The following SSH2 variants were observed in gnomAD, a reference collection of about 807,000 sequenced individuals.
The protein encoded by SSH2 is slingshot protein phosphatase 2, also known as protein phosphatase Slingshot homolog 2.
A neutral mutation model predicts 135.2 loss-of-function variants in SSH2; 37 were observed. The ratio of observed to expected loss-of-function variants is 0.27; its 90% CI spans 0.21 to 0.36. SSH2 has a LOEUF of 0.36. Ranked by LOEUF, SSH2 falls within the 10% of genes least tolerant of loss-of-function variation. SSH2 has a pLI of 1.00. For synonymous variants in SSH2, 628 were observed against 646.2 expected, an observed-to-expected ratio of 0.97 and a Z score of 0.43; for missense variants, 1,408 against 1,765.3, an observed-to-expected ratio of 0.80 and a Z score of 3.63.
chr17:29,803,566 G>C (rs1266863410), intron 2 of SSH2, among the ~76,000 whole-genome samples: 2 of 152,090 alleles, frequency 1.3e-5, no homozygotes, highest in Non-Finnish European at 2.9e-5. Context: ...ACACTTTATT[G>C]GTGTACCAAA....
chr17:29,813,164 C>T (rs1599033763), intron 2 of SSH2, among the ~76,000 whole-genome samples: 1 of 151,986 alleles, frequency 6.6e-6, no homozygotes. Flanking sequence ...GGGTGGATCA[C>T]TTGAGGTCAG....
intron 5 of SSH2, among the ~76,000 whole-genome samples, chr17:29,685,157 G>C (rs575091184): frequency 6.6e-6 from 1 of 152,174 alleles, no homozygotes; most frequent in Non-Finnish European, 1.5e-5. Context: ...CTGAATTCCT[G>C]CATGTTAATG....
chr17:29,882,663 A>G (rs1483747975), intron 1 of SSH2, among the ~76,000 whole-genome samples: 8 of 152,102 alleles, frequency 5.3e-5, no homozygotes, highest in Non-Finnish European at 1.2e-4. Context: ...GAGGCAGGAG[A>G]ATCGCTTGAA....
At chr17:29,761,387 G>T (rs1432624669) in intron 3 of SSH2, 2 of 1,065,806 alleles carry the variant, frequency 1.9e-6, no homozygotes, top group Non-Finnish European at 1.1e-6. Flanking sequence ...CGGGTCGCGC[G>T]GAGGCAGCCG....
At chr17:29,801,779 A>G (rs1229211059) in intron 2 of SSH2, among the ~76,000 whole-genome samples, 3 of 152,168 alleles carry the variant, frequency 2.0e-5, no homozygotes, top group East Asian at 3.9e-4. Context: ...GGAACTCAAT[A>G]AAGGGTCGAA....
At position 29,791,946 on chromosome 17, in the gene SSH2, A is replaced by G. The variant is rs1417835481; in HGVS notation, c.188+1948T>C. 2.8e-5 allele frequency among the ~76,000 whole-genome samples: 4 copies of G among 145,106 alleles called. No individual in the cohort carries two copies. In the East Asian group the frequency reaches 5.9e-4, roughly 22 times the overall value. On this transcript the variant is annotated intron_variant, in intron 3 of 15. Transcript: ENST00000540801. ...TTTTTTTTTTTTTTTTTAGTAAGACAGAGTCTCACTTTGTTGCCCAGACTG... is the reference window on the plus strand; with the variant it reads ...TTTTTTTTTTTTTTTTTAGTAAGACGGAGTCTCACTTTGTTGCCCAGACTG...
At chr17:29,892,476 A>G (rs2066368410) in intron 1 of SSH2, among the ~76,000 whole-genome samples, 1 of 152,140 alleles carries the variant, frequency 6.6e-6, no homozygotes, top group Non-Finnish European at 1.5e-5. Context: ...GGAAGGCACA[A>G]TGACAGTAGG....
intron 1 of SSH2, among the ~76,000 whole-genome samples, chr17:29,928,822 A>T (rs1680109183): frequency 1.3e-5 from 2 of 152,134 alleles, no homozygotes; most frequent in African/African-American, 4.8e-5. Flanking sequence ...ATTTTTTTAC[A>T]GTGGAAAGTG....
At chr17:29,794,473 C>T (rs1000921966) in intron 2 of SSH2, among the ~76,000 whole-genome samples, 1 of 152,100 alleles carries the variant, frequency 6.6e-6, no homozygotes, top group African/African-American at 2.4e-5. Flanking sequence ...TGTACTTATT[C>T]TTTATAAACC....
intron 3 of SSH2, among the ~76,000 whole-genome samples, chr17:29,726,319 T>C (rs2040002279): frequency 6.6e-6 from 1 of 152,112 alleles, no homozygotes; most frequent in South Asian, 2.1e-4. Context: ...AATCCTATTG[T>C]ATGGGGAAAC....
At chr17:29,701,217 C>T (rs544428956) in intron 4 of SSH2, among the ~76,000 whole-genome samples, 34 of 152,144 alleles carry the variant, frequency 2.2e-4, no homozygotes, top group African/African-American at 7.7e-4. Flanking sequence ...GTGATCCGCC[C>T]GTCTCAGCCT....
intron 1 of SSH2, among the ~76,000 whole-genome samples, chr17:29,899,664 T>C (rs935206822): frequency 2.6e-5 from 4 of 152,158 alleles, no homozygotes; most frequent in Non-Finnish European, 5.9e-5. Flanking sequence ...TCCATGCTCA[T>C]GGGTAGGAAG....
At chr17:29,925,529 A>G (rs1224525463) in intron 1 of SSH2, 3 of 398,446 alleles carry the variant, frequency 7.5e-6, no homozygotes, top group Non-Finnish European at 1.3e-5. Context: ...CAGCCTGGGC[A>G]GCAAGACCCC....
intron 1 of SSH2, among the ~76,000 whole-genome samples, chr17:29,908,763 GAAAAAAAAAA>G (rs60242323): frequency 6.5e-4 from 33 of 50,878 alleles, no homozygotes; most frequent in African/African-American, 3.3e-3. Context: ...GACTCCATCT[GAAAAAAAAAA>G]AAAAAAAAAA....
At chr17:29,696,935 C>G (rs1046089697) in intron 4 of SSH2, among the ~76,000 whole-genome samples, 1 of 151,038 alleles carries the variant, frequency 6.6e-6, no homozygotes, top group Non-Finnish European at 1.5e-5. Context: ...CCGCCTGCCT[C>G]GGCCTCCCAA....
At chr17:29,691,487 T>C (rs2038470045) in intron 5 of SSH2, among the ~76,000 whole-genome samples, 1 of 67,550 alleles carries the variant, frequency 1.5e-5, no homozygotes, top group Admixed American at 2.5e-4. Context: ...CTTTGTCCTA[T>C]TTTCTCTCTT....
At chr17:29,665,614 A>G (rs1286050724) in intron 11 of SSH2, among the ~76,000 whole-genome samples, 1 of 152,206 alleles carries the variant, frequency 6.6e-6, no homozygotes, top group Non-Finnish European at 1.5e-5. Context: ...AAACCAACTG[A>G]TTTACTTCCT....
At chr17:29,770,200 A>G (rs951121917) in intron 3 of SSH2, among the ~76,000 whole-genome samples, 2 of 149,712 alleles carry the variant, frequency 1.3e-5, no homozygotes, top group Admixed American at 1.3e-4. Flanking sequence ...CCTGGGTTCA[A>G]AAGATACTAG....
chr17:29,811,142 C>A (rs1248573865), intron 2 of SSH2, among the ~76,000 whole-genome samples: 1 of 151,934 alleles, frequency 6.6e-6, no homozygotes, highest in Non-Finnish European at 1.5e-5. Flanking sequence ...ACTACAGGTG[C>A]GCACCACCAC....
Sources: gnomAD v4.1 joint callset for allele counts (sites outside exome capture counted in the v4.1 genomes callset) on GRCh38, gnomAD v4.1.1 for gene constraint, MANE v1.5 for transcripts, NCBI Gene and HGNC (gene_info 2026-07-23, HGNC 2026-07-21) for gene names.